The following OPCML variants were observed in gnomAD, a reference collection of about 807,000 sequenced individuals.
The protein encoded by OPCML is opioid-binding protein/cell adhesion molecule.
OPCML carries 13 observed loss-of-function variants against 37.8 expected under a neutral mutation model. That is an observed-to-expected ratio of 0.34 (90% CI 0.22 to 0.55). The LOEUF (loss-of-function observed/expected upper bound fraction) is 0.55. Among genes scored for constraint, OPCML ranks in the 20% least tolerant of loss-of-function variants. OPCML has a pLI of 0.91. For missense variants in OPCML, 341 were observed against 435.6 expected (o/e 0.78, Z 1.93); for synonymous variants, 176 against 168.8 (o/e 1.04, Z -0.33).
intron 1 of OPCML, among the ~76,000 whole-genome samples, chr11:132,983,672 T>C (rs1477126998): frequency 6.6e-6 from 1 of 152,220 alleles, no homozygotes; most frequent in African/African-American, 2.4e-5. Context: ...TGTCTGCTAT[T>C]GCTTCTTCCC....
intron 4 of OPCML, among the ~76,000 whole-genome samples, chr11:132,457,944 A>C (rs2096088046): frequency 1.3e-5 from 2 of 152,218 alleles, no homozygotes; most frequent in South Asian, 4.1e-4. Flanking sequence ...TCTGCCGTGG[A>C]AGAGCTTAGA....
intron 3 of OPCML, among the ~76,000 whole-genome samples, chr11:132,534,336 T>G (rs1369310310): frequency 6.6e-6 from 1 of 152,208 alleles, no homozygotes; most frequent in East Asian, 1.9e-4. Flanking sequence ...AACATCTCTC[T>G]GGCCCACTAA....
intron 7 of OPCML, chr11:132,435,298 T>G: frequency 7.9e-6 from 10 of 1,270,662 alleles, no homozygotes; most frequent in Non-Finnish European, 9.3e-6. Context: ...TGCTGAAAGC[T>G]TGTGTCTGAG....
intron 1 of OPCML, among the ~76,000 whole-genome samples, chr11:133,144,564 A>G (rs191126549): frequency 6.6e-6 from 1 of 152,350 alleles, no homozygotes; most frequent in East Asian, 1.9e-4. Context: ...CTTTCGGCAC[A>G]TGGGAAGCAT....
At chr11:133,449,594 T>G (rs1280769040) in intron 1 of OPCML, among the ~76,000 whole-genome samples, 1 of 148,250 alleles carries the variant, frequency 6.7e-6, no homozygotes, top group Non-Finnish European at 1.5e-5. Context: ...TTTGCCTCCC[T>G]CAGGTTCTGG....
chr11:133,384,232 CCAAAGG>C (rs1187096179), intron 1 of OPCML, among the ~76,000 whole-genome samples: 1 of 122,440 alleles, frequency 8.2e-6, no homozygotes, highest in Non-Finnish European at 1.6e-5. Flanking sequence ...GCTGCCAAAG[CCAAAGG>C]CCACTGTGCA....
intron 1 of OPCML, among the ~76,000 whole-genome samples, chr11:133,102,610 C>T (rs888246206): frequency 1.3e-5 from 2 of 151,936 alleles, no homozygotes; most frequent in African/African-American, 4.8e-5. Context: ...ATTCACCAGG[C>T]GTGGTGGCAG....
chr11:133,456,544 C>A (rs1209241566), intron 1 of OPCML, among the ~76,000 whole-genome samples: 1 of 151,334 alleles, frequency 6.6e-6, no homozygotes, highest in South Asian at 2.1e-4. Flanking sequence ...ATAAAAGGAA[C>A]AAAATAATTT....
intron 1 of OPCML, among the ~76,000 whole-genome samples, chr11:133,126,343 C>T (rs1383146001): frequency 6.6e-5 from 10 of 152,128 alleles, no homozygotes; most frequent in Admixed American, 4.6e-4. Flanking sequence ...ATGATGCCCA[C>T]GCACACTGTG....
intron 1 of OPCML, among the ~76,000 whole-genome samples, chr11:133,255,832 A>G (rs1941294387): frequency 6.6e-6 from 1 of 152,200 alleles, no homozygotes; most frequent in Non-Finnish European, 1.5e-5. Context: ...CTTTCAATGT[A>G]TACTTTATAA....
At chr11:133,002,273 T>C (rs1224171483) in intron 1 of OPCML, among the ~76,000 whole-genome samples, 2 of 152,146 alleles carry the variant, frequency 1.3e-5, no homozygotes, top group Non-Finnish European at 2.9e-5. Flanking sequence ...TTCAACAGGG[T>C]AAGGTCACCA....
At chr11:132,614,148 A>G (rs1938839097) in intron 3 of OPCML, among the ~76,000 whole-genome samples, 1 of 152,006 alleles carries the variant, frequency 6.6e-6, no homozygotes, top group Non-Finnish European at 1.5e-5. Context: ...CCTTCTTCAA[A>G]AGACTCCCGG....
In OPCML at chr11:133,375,358, C is replaced by G. The variant is rs187529706; in HGVS notation, c.61+156906G>C. 3.1e-3 allele frequency among the ~76,000 whole-genome samples: 466 copies of G among 152,358 alleles called. 1 individual carries two copies. Among genetic ancestry groups the G allele is most frequent in the Non-Finnish European group, 5.0e-3 (337 of 68,036 alleles). On this transcript the variant is annotated intron_variant, in intron 1 of 7. Transcript: ENST00000524381. The stretch of plus-strand genomic sequence containing the variant: ...TTCATCTTTGCTTTCTCCACCATGC[C>G]TTGCAGACCACGTGCCACAAATGCT...
chr11:132,558,822 T>C (rs1192044794), intron 3 of OPCML, among the ~76,000 whole-genome samples: 1 of 151,880 alleles, frequency 6.6e-6, no homozygotes, highest in Non-Finnish European at 1.5e-5. Flanking sequence ...GATTGCATAA[T>C]TGTTGACCGT....
rs114740442 is a variant in OPCML at position 133,012,411 on chromosome 11, G to A, written c.62-69401C>T. On this transcript the variant is annotated intron_variant, in intron 1 of 7. Coordinates refer to ENST00000524381, the MANE Select transcript of OPCML (RefSeq NM_001012393.5). Reference sequence around the variant, plus strand: ...GGATTGGAAGCGGTTGGAAAACAAAGAGGGGGAATGTGAATCTCTCTTAAT... The same window carrying A: ...GGATTGGAAGCGGTTGGAAAACAAAAAGGGGGAATGTGAATCTCTCTTAAT... Among the ~76,000 whole-genome samples the A allele has an allele frequency of 1.4e-3, 208 of 152,256 alleles. 1 individual carries two copies. The highest frequency in any genetic ancestry group is 4.9e-3 in the African/African-American group (203 of 41,502).
intron 1 of OPCML, among the ~76,000 whole-genome samples, chr11:133,398,582 G>A (rs879489061): frequency 2.6e-4 from 39 of 151,440 alleles, no homozygotes; most frequent in Middle Eastern, 3.4e-3. Flanking sequence ...TATTCAAGGC[G>A]AAGGATAAGA....
intron 3 of OPCML, among the ~76,000 whole-genome samples, chr11:132,638,379 G>T (rs1296433852): frequency 6.6e-6 from 1 of 151,974 alleles, no homozygotes; most frequent in Non-Finnish European, 1.5e-5. Context: ...TGTCAAGAGA[G>T]AATTATATTT....
chr11:132,511,216 A>T (rs1003305802), intron 4 of OPCML, among the ~76,000 whole-genome samples: 6 of 152,166 alleles, frequency 3.9e-5, no homozygotes, highest in Non-Finnish European at 7.4e-5. Context: ...ATCATTCAAA[A>T]ATATGACATA....
intron 1 of OPCML, among the ~76,000 whole-genome samples, chr11:132,953,588 T>G (rs956471460): frequency 1.3e-5 from 2 of 152,162 alleles, no homozygotes; most frequent in Admixed American, 6.5e-5. Flanking sequence ...AGCCATAAAA[T>G]GTGTTTTTTA....
Sources: gnomAD v4.1 joint callset for allele counts (sites outside exome capture counted in the v4.1 genomes callset) on GRCh38, gnomAD v4.1.1 for gene constraint, MANE v1.5 for transcripts, NCBI Gene and HGNC (gene_info 2026-07-23, HGNC 2026-07-21) for gene names.